FAM25A: variants seen among roughly 807,000 people sequenced by gnomAD.
The protein encoded by FAM25A is family with sequence similarity 25 member A, also known as protein FAM25A.
A neutral mutation model predicts 6.6 loss-of-function variants in FAM25A; 5 were observed. The ratio of observed to expected loss-of-function variants is 0.75; its 90% confidence interval spans 0.39 to 1.59. The LOEUF (loss-of-function observed/expected upper bound fraction) is 1.59. Among genes scored for constraint, FAM25A ranks in the 40% most tolerant of loss-of-function variants. FAM25A has a pLI of 0.02. For synonymous variants in FAM25A, 36 were observed against 41.3 expected, an observed-to-expected ratio of 0.87 and a Z score of 0.49; for missense variants, 93 against 109.7, an observed-to-expected ratio of 0.85 and a Z score of 0.68.
At chr10:87,021,701 C>A (rs1282527456) in intron 1 of FAM25A, among the ~76,000 whole-genome samples, 1 of 152,192 alleles carries the variant, frequency 6.6e-6, no homozygotes, top group Admixed American at 6.5e-5. Context: ...GATGAGGGAA[C>A]CAAGAGGTGG....
At position 87,020,383 on chromosome 10, in the gene FAM25A, C is replaced by T. The variant is rs1170781216; in HGVS notation, c.59C>T (p.Ala20Val). The change falls in exon 1 of 3, where the codon GCC becomes GTC. Residue 20 changes from alanine (A) to valine (V), a missense_variant. Physicochemically the swap from Ala to Val is moderately conservative, Grantham distance 64. Coordinates refer to ENST00000343959, the MANE Select transcript of FAM25A (RefSeq NM_001146157.3). The part of the protein sequence containing the change: ...AEGLAHRTEK[A>V]TEGAIHAVEE... ...GGCCTGGCCCACCGCACCGAGAAGGCCACCGAGGGAGCCAGTGAGGACCTG... is the reference window on the plus strand; with the variant it reads ...GGCCTGGCCCACCGCACCGAGAAGGTCACCGAGGGAGCCAGTGAGGACCTG... 3.9e-6 allele frequency: 6 copies of T among 1,549,292 alleles called. No homozygotes were observed. The South Asian group carries it at 7.1e-5, about 18-fold the overall frequency.
In FAM25A at chr10:87,022,481, G is replaced by A. The variant is rs1320238663; in HGVS notation, c.136+105G>A. On this transcript the variant is annotated intron_variant, in intron 2 of 2. Transcript: ENST00000343959. Reference sequence around the variant, plus strand: ...AACCAGGTCAAACTCTGCCCCCAATGTTGCAGCCTTTCAGAGCCTCTTGGC... The same window carrying A: ...AACCAGGTCAAACTCTGCCCCCAATATTGCAGCCTTTCAGAGCCTCTTGGC... 5.1e-6 allele frequency: 7 copies of A among 1,361,728 alleles called. No individual in the cohort carries two copies. The African/African-American group carries it at 1.0e-4, about 20-fold the overall frequency. The allele number at this position is 1,361,728 out of a possible 1,614,324, so 84.4% of individuals were successfully genotyped here. A position where few individuals can be genotyped will look rare whatever the true frequency, so the allele number is the denominator to read the frequency against.
rs1287043744 is a variant in FAM25A, at chr10:87,024,500, G to A, written c.137-41G>A. ...CCACTCAAGGGGACACAAGTTCAGCGGGTGGATCACTAGGACATTCTTCCT... is the reference window on the plus strand; with the variant it reads ...CCACTCAAGGGGACACAAGTTCAGCAGGTGGATCACTAGGACATTCTTCCT... On this transcript the variant is annotated intron_variant, in intron 2 of 2. Coordinates refer to ENST00000343959, the MANE Select transcript of FAM25A (RefSeq NM_001146157.3). 1.1e-5 allele frequency: 17 copies of A among 1,535,666 alleles called. No individual in the cohort carries two copies. The Admixed American group carries it at 1.2e-4, about 11-fold the overall frequency.
In FAM25A at chr10:87,023,039, G is replaced by A. The variant is rs189713693; in HGVS notation, c.136+663G>A. 1.3e-3 allele frequency among the ~76,000 whole-genome samples: 200 copies of A among 151,732 alleles called. No individual in the cohort carries two copies. In the East Asian group the frequency reaches 0.037, roughly 28 times the overall value. ...ACGAGGTCAGGAGATCCAGACCACG[G>A]TGAAACCCCATCTCTACTAAAAATA... On this transcript the variant is annotated intron_variant, in intron 2 of 2. Coordinates refer to ENST00000343959, the MANE Select transcript of FAM25A (RefSeq NM_001146157.3).
intron 1 of FAM25A, among the ~76,000 whole-genome samples, chr10:87,021,691 G>C (rs1845330666): frequency 6.6e-6 from 1 of 152,218 alleles, no homozygotes; most frequent in Non-Finnish European, 1.5e-5. Context: ...CCATTCTAAA[G>C]ATGAGGGAAC....
At chr10:87,020,951 C>T (rs1029970062) in intron 1 of FAM25A, among the ~76,000 whole-genome samples, 71 of 152,284 alleles carry the variant, frequency 4.7e-4, no homozygotes, top group African/African-American at 1.7e-3. Flanking sequence ...CCTTAGCCTC[C>T]TGAGTGTCTG....
At chr10:87,023,405 A>G (rs1475443808) in intron 2 of FAM25A, among the ~76,000 whole-genome samples, 1 of 152,154 alleles carries the variant, frequency 6.6e-6, no homozygotes, top group African/African-American at 2.4e-5. Context: ...GGAGATAACC[A>G]TCTTAGCTCA....
Position 87,024,652 on chromosome 10 carries a change from G to C in FAM25A, c.248G>C (p.Ser83Thr). 1 of 1,535,812 alleles carries C rather than the reference G, an allele frequency of 6.5e-7. No homozygotes were observed. The highest frequency in any genetic ancestry group is 8.7e-7 in the Non-Finnish European group (1 of 1,146,898). ...AATGCCATCACCCATGCAGCAGAGA[G>C]TCTGGACAAACTTGGACAGTGAGTG... ...VTNAITHAAE[S>T]LDKLGQ is the part of the protein sequence containing the mutation. The change falls in exon 3 of 3, where the codon AGT becomes ACT. Residue 83 changes from serine (S) to threonine (T), a missense_variant. Physicochemically the swap from Ser to Thr is moderately conservative, Grantham distance 58. Coordinates refer to ENST00000343959, the MANE Select transcript of FAM25A (RefSeq NM_001146157.3).
intron 1 of FAM25A, among the ~76,000 whole-genome samples, chr10:87,020,849 T>G (rs1044355645): frequency 5.8e-4 from 89 of 152,326 alleles, no homozygotes; most frequent in Non-Finnish European, 1.2e-3. Context: ...GTATTTGAAA[T>G]GGAGTCTTGC....
intron 1 of FAM25A, among the ~76,000 whole-genome samples, 176 bp downstream of exon 1, chr10:87,020,573 G>A (rs1589337746): frequency 6.6e-6 from 1 of 152,260 alleles, no homozygotes; most frequent in East Asian, 1.9e-4. Flanking sequence ...GACCTGGGGA[G>A]GTCTCCTGGG....
chr10:87,022,663 A>G (rs1845340548), intron 2 of FAM25A, among the ~76,000 whole-genome samples: 1 of 152,240 alleles, frequency 6.6e-6, no homozygotes, highest in Middle Eastern at 3.2e-3. Context: ...GCGGTGGCTC[A>G]CGCCTGTAAT....
chr10:87,020,755 A>G (rs1845323177), intron 1 of FAM25A, among the ~76,000 whole-genome samples: 1 of 152,242 alleles, frequency 6.6e-6, no homozygotes, highest in Admixed American at 6.5e-5. Flanking sequence ...TTTCTAAACA[A>G]GTCACCAAGT....
At chr10:87,022,049 G>A (rs1161351041) in intron 1 of FAM25A, among the ~76,000 whole-genome samples, 2 of 152,320 alleles carry the variant, frequency 1.3e-5, no homozygotes, top group African/African-American at 2.4e-5. Context: ...CTCGTCTCCC[G>A]GCAGCCAAGG....
At chr10:87,021,556 T>TCCACACTC (rs1355734089) in intron 1 of FAM25A, among the ~76,000 whole-genome samples, 3 of 152,236 alleles carry the variant, frequency 2.0e-5, no homozygotes, top group African/African-American at 7.2e-5. Flanking sequence ...CTTCGCAGCC[T>TCCACACTC]CCACACTCGC....
Position 87,024,641 on chromosome 10 carries a change from T to C in FAM25A, c.237T>C (p.His79=), listed in dbSNP as rs1843261362. 4 of 1,535,766 alleles carry C rather than the reference T, an allele frequency of 2.6e-6. No individual in the cohort carries two copies. The highest frequency in any genetic ancestry group is 3.5e-6 in the Non-Finnish European group (4 of 1,146,898). The change falls in exon 3 of 3, where the codon CAT becomes CAC. Residue 79 remains histidine (H), a synonymous_variant. Transcript: ENST00000343959. The part of the protein sequence containing the change: ...VTNTVTNAIT[H]AAESLDKLGQ ...ACACAGTCACAAATGCCATCACCCA[T>C]GCAGCAGAGAGTCTGGACAAACTTG...
At chr10:87,023,236 T>A (rs553516342) in intron 2 of FAM25A, among the ~76,000 whole-genome samples, 1,833 of 145,070 alleles carry the variant, frequency 0.013, 42 homozygotes, top group African/African-American at 0.044. Flanking sequence ...AAAAAAAAAA[T>A]TTAACATGTA....
chr10:87,021,139 G>A (rs1845325991), intron 1 of FAM25A, among the ~76,000 whole-genome samples: 1 of 152,226 alleles, frequency 6.6e-6, no homozygotes, highest in South Asian at 2.1e-4. Flanking sequence ...CGAAGTGTAT[G>A]TTGTATTCAG....
intron 2 of FAM25A, among the ~76,000 whole-genome samples, chr10:87,023,598 G>C (rs1845351833): frequency 6.6e-6 from 1 of 152,200 alleles, no homozygotes; most frequent in African/African-American, 2.4e-5. Flanking sequence ...GCACATGCCT[G>C]TAATCCCAGC....
At position 87,022,381 on chromosome 10, in the gene FAM25A, A is replaced by G. The variant is rs1216990789; in HGVS notation, c.136+5A>G. On this transcript the variant is annotated splice_donor_5th_base_variant and intron_variant, in intron 2 of 2. Coordinates refer to ENST00000343959, the MANE Select transcript of FAM25A (RefSeq NM_001146157.3). ...CCAAGGAGACTGGAGAGAAAGGTAC[A>G]GCTGGCTGAGGTCGGGCAGGGAAGG... 1 of 1,548,200 alleles carries G rather than the reference A, an allele frequency of 6.5e-7. No individual in the cohort carries two copies.
Sources: allele counts gnomAD v4.1 joint callset (sites outside exome capture counted in the v4.1 genomes callset), GRCh38; gene constraint gnomAD v4.1.1; transcripts MANE v1.5; gene names NCBI Gene and HGNC (gene_info 2026-07-23, HGNC 2026-07-21).